The following HOOK1 variants were observed in gnomAD, a reference collection of about 807,000 sequenced individuals.
The protein encoded by HOOK1 is hook microtubule tethering protein 1.
HOOK1 carries 60 observed loss-of-function variants against 112.8 expected under a neutral mutation model. The observed-to-expected ratio is 0.53, with a 90% confidence interval of 0.43 to 0.66. The LOEUF (loss-of-function observed/expected upper bound fraction) is 0.66. Ranked by LOEUF, HOOK1 falls within the 30% of genes least tolerant of loss-of-function variation. The pLI is 0.00. For synonymous variants in HOOK1, 294 were observed against 283.8 expected (o/e 1.04, Z -0.36); for missense variants, 770 against 856.0 (o/e 0.90, Z 1.25).
chr1:59,851,322 T>C (rs1430546562), intron 12 of HOOK1, among the ~76,000 whole-genome samples: 1 of 151,650 alleles, frequency 6.6e-6, no homozygotes, highest in Non-Finnish European at 1.5e-5. Context: ...TATCATTTCA[T>C]TTATTTAGAT....
At chr1:59,829,792 CT>C (rs1200418350) in intron 3 of HOOK1, among the ~76,000 whole-genome samples, 1 of 151,802 alleles carries the variant, frequency 6.6e-6, no homozygotes, top group Non-Finnish European at 1.5e-5. Flanking sequence ...ACCTGTTCTT[CT>C]TTTTCTTGCT....
chr1:59,849,233 T>C, intron 12 of HOOK1, 50 bp downstream of exon 12: 5 of 1,226,400 alleles, frequency 4.1e-6, no homozygotes, highest in Non-Finnish European at 5.9e-6. Flanking sequence ...CTTTTAGTTT[T>C]GTAATGCCCT....
At chr1:59,854,011 T>G (rs2098408706) in intron 12 of HOOK1, among the ~76,000 whole-genome samples, 1 of 18,302 alleles carries the variant, frequency 5.5e-5, no homozygotes. Context: ...AATATATATA[T>G]ATATATATAT....
intron 19 of HOOK1, among the ~76,000 whole-genome samples, chr1:59,866,339 G>T (rs1195847029): frequency 1.3e-5 from 2 of 152,116 alleles, no homozygotes; most frequent in Admixed American, 1.3e-4. Context: ...ACAGCAAAAT[G>T]GATATTTTAT....
Position 59,876,304 on chromosome 1 carries a change from A to T in HOOK1, c.*3339A>T, listed in dbSNP as rs1329124746. Reference sequence around the variant, plus strand: ...AGTATTTAGGATATTATTTTAAATAAATGATTGTCCATTATCAATATAATA... The same window carrying T: ...AGTATTTAGGATATTATTTTAAATATATGATTGTCCATTATCAATATAATA... On this transcript the variant is annotated 3_prime_UTR_variant, in exon 22 of 22. Coordinates refer to ENST00000371208, the MANE Select transcript of HOOK1 (RefSeq NM_015888.6). The T allele has an allele frequency of 6.5e-6, 1 of 152,678 alleles. No individual in the cohort carries two copies. The highest frequency in any genetic ancestry group is 2.4e-5 in the African/African-American group (1 of 41,474). The allele number at this position is 152,678 out of a possible 1,614,324, so 9.5% of individuals were successfully genotyped here.
chr1:59,834,423 C>T (rs2098396134), intron 5 of HOOK1, among the ~76,000 whole-genome samples: 1 of 152,098 alleles, frequency 6.6e-6, no homozygotes, highest in African/African-American at 2.4e-5. Context: ...AGGACAGTGA[C>T]TAGGTGTCAG....
chr1:59,827,068 AT>A (rs1046996797), intron 2 of HOOK1, among the ~76,000 whole-genome samples: 2 of 149,930 alleles, frequency 1.3e-5, no homozygotes, highest in African/African-American at 4.9e-5. Flanking sequence ...CTGGCCCAAG[AT>A]TTTTTTTTTA....
intron 21 of HOOK1, 94 bp downstream of exon 21, chr1:59,871,204 A>G: frequency 3.8e-6 from 3 of 795,242 alleles, no homozygotes; most frequent in South Asian, 3.4e-5. Flanking sequence ...ATTTTATCTT[A>G]TACCATAAAC....
At chr1:59,825,713 A>G (rs980738205) in intron 2 of HOOK1, among the ~76,000 whole-genome samples, 2 of 152,232 alleles carry the variant, frequency 1.3e-5, no homozygotes, top group South Asian at 2.1e-4. Flanking sequence ...CTCCAAGTTC[A>G]GTGCTCCCAA....
intron 7 of HOOK1, among the ~76,000 whole-genome samples, chr1:59,839,808 A>G (rs1370494714): frequency 6.6e-6 from 1 of 152,148 alleles, no homozygotes; most frequent in Non-Finnish European, 1.5e-5. Context: ...CCCATTCAGT[A>G]TGATATTGGC....
chr1:59,837,857 C>A (rs890903766), intron 7 of HOOK1, among the ~76,000 whole-genome samples: 2 of 152,068 alleles, frequency 1.3e-5, no homozygotes, highest in East Asian at 3.9e-4. Context: ...CCCCCCACCC[C>A]CCACAGGCCC....
In HOOK1 at chr1:59,816,720, T is replaced by TA. The variant is rs372426809; in HGVS notation, c.63+1544dup. ...AGCTGTGTGTAATTACAGTGGAAGG[T>TA]AAAATTCCGTAAAAGCTGCAAATAT... On this transcript the variant is annotated intron_variant, in intron 1 of 21. Coordinates refer to ENST00000371208, the MANE Select transcript of HOOK1 (RefSeq NM_015888.6). Among the ~76,000 whole-genome samples the TA allele has an allele frequency of 2.8e-4, 42 of 152,280 alleles. No homozygotes were observed. In the East Asian group the frequency reaches 7.3e-3, roughly 27 times the overall value.
rs562008371 is a variant in HOOK1, at chr1:59,829,079, C to T, written c.222+227C>T. 3.0e-4 allele frequency among the ~76,000 whole-genome samples: 45 copies of T among 152,190 alleles called. 1 individual carries two copies. Among genetic ancestry groups the T allele is most frequent in the African/African-American group, 9.9e-4 (41 of 41,544 alleles). On this transcript the variant is annotated intron_variant, in intron 3 of 21. Coordinates refer to ENST00000371208, the MANE Select transcript of HOOK1 (RefSeq NM_015888.6). The stretch of plus-strand genomic sequence containing the variant: ...GCCCATTCTCTATTAATCCCTACCC[C>T]CAGCCTTGCCCTAGGTAGCTATAGA...
chr1:59,845,416 G>A (rs2098403164), intron 9 of HOOK1, among the ~76,000 whole-genome samples: 1 of 151,780 alleles, frequency 6.6e-6, no homozygotes, highest in Admixed American at 6.6e-5. Context: ...TCCTTGCCTT[G>A]TTGCAAGAGC....
intron 2 of HOOK1, among the ~76,000 whole-genome samples, chr1:59,824,289 C>T (rs2098388226): frequency 6.6e-6 from 1 of 151,424 alleles, no homozygotes; most frequent in South Asian, 2.1e-4. Flanking sequence ...CCCACTGCAA[C>T]CTCCGCCTAC....
chr1:59,874,857 A>G lies in HOOK1; in HGVS notation c.*1892A>G, dbSNP rs1644108406. On this transcript the variant is annotated 3_prime_UTR_variant, in exon 22 of 22. Coordinates refer to ENST00000371208, the MANE Select transcript of HOOK1 (RefSeq NM_015888.6). ...TTTACTGAAAATACAAGAATTTCGT[A>G]CTGCATTTGCATCTCCGAGATTAGG... 1 of 152,556 alleles carries G rather than the reference A, an allele frequency of 6.6e-6. No homozygotes were observed. Among genetic ancestry groups the G allele is most frequent in the Non-Finnish European group, 1.5e-5 (1 of 67,978 alleles). 9.5% of individuals were successfully genotyped at this position (152,556 alleles called of 1,614,324 possible).
chr1:59,829,634 A>G (rs896494039), intron 3 of HOOK1, among the ~76,000 whole-genome samples: 4 of 151,912 alleles, frequency 2.6e-5, no homozygotes, highest in Admixed American at 2.6e-4. Flanking sequence ...TTTTCCTGCT[A>G]TTGGTTATTT....
intron 2 of HOOK1, among the ~76,000 whole-genome samples, chr1:59,822,556 T>G (rs113708211): frequency 3.3e-5 from 5 of 152,342 alleles, no homozygotes; most frequent in African/African-American, 1.2e-4. Context: ...AAATCCATTT[T>G]TCCCCTAATA....
intron 3 of HOOK1, among the ~76,000 whole-genome samples, chr1:59,830,400 T>A (rs931836424): frequency 6.6e-6 from 1 of 152,170 alleles, no homozygotes; most frequent in African/African-American, 2.4e-5. Context: ...ACACACTATA[T>A]TTCTTGTGTG....
Sources: gnomAD v4.1 joint callset for allele counts (sites outside exome capture counted in the v4.1 genomes callset) on GRCh38, gnomAD v4.1.1 for gene constraint, MANE v1.5 for transcripts, NCBI Gene and HGNC (gene_info 2026-07-23, HGNC 2026-07-21) for gene names.